The following RORA variants were observed in gnomAD, a reference collection of about 807,000 sequenced individuals.
The protein encoded by RORA is RAR related orphan receptor A.
In RORA, 7 loss-of-function variants were observed where a neutral mutation model predicts 69.5. That is an observed-to-expected ratio of 0.10 (90% CI 0.06 to 0.19). The LOEUF is 0.19. Ranked by LOEUF, RORA falls within the 10% of genes least tolerant of loss-of-function variation. The pLI, the probability that RORA is intolerant of heterozygous loss-of-function variation, is 1.00. For synonymous variants in RORA, 261 were observed against 240.8 expected (o/e 1.08, Z -0.78); for missense variants, 457 against 663.0 (o/e 0.69, Z 3.41).
intron 1 of RORA, among the ~76,000 whole-genome samples, chr15:60,700,318 G>C (rs1247908324): frequency 3.9e-5 from 6 of 152,174 alleles, no homozygotes; most frequent in African/African-American, 1.4e-4. Context: ...ATTCCTTAAA[G>C]AGAAGGACAG....
At chr15:60,933,567 C>T (rs1314844600) in intron 1 of RORA, among the ~76,000 whole-genome samples, 5 of 152,206 alleles carry the variant, frequency 3.3e-5, no homozygotes, top group African/African-American at 1.2e-4. Context: ...TATTCTGAAT[C>T]GCAGGCATTT....
At chr15:60,635,457 A>T (rs1211927971) in intron 2 of RORA, among the ~76,000 whole-genome samples, 1 of 152,220 alleles carries the variant, frequency 6.6e-6, no homozygotes, top group East Asian at 1.9e-4. Flanking sequence ...AATAGCCACA[A>T]TTAATTATGT....
chr15:60,856,700 C>T (rs567156457), intron 1 of RORA, among the ~76,000 whole-genome samples: 18 of 152,108 alleles, frequency 1.2e-4, no homozygotes, highest in Non-Finnish European at 2.5e-4. Context: ...ATGTTTAATT[C>T]AAATAGAGCA....
intron 1 of RORA, among the ~76,000 whole-genome samples, chr15:60,934,363 A>G (rs1340599207): frequency 6.6e-6 from 1 of 152,212 alleles, no homozygotes; most frequent in Non-Finnish European, 1.5e-5. Context: ...CAAGGGTCAG[A>G]GTCCTCTGGA....
chr15:60,626,114 T>C (rs1480082018), intron 2 of RORA, among the ~76,000 whole-genome samples: 2 of 152,168 alleles, frequency 1.3e-5, no homozygotes, highest in Admixed American at 1.3e-4. Flanking sequence ...CTCACGACTA[T>C]TTCCCTGCCT....
chr15:60,815,507 T>G lies in RORA; in HGVS notation c.167-136821A>C, dbSNP rs1340599697. ...ACTGAACTTGAACAAAGTGGCTTGT[T>G]TTCACAGCCGAGGACTTGGCAACTC... On this transcript the variant is annotated intron_variant, in intron 1 of 10. Coordinates refer to ENST00000335670, the MANE Select transcript of RORA (RefSeq NM_134261.3). 2.6e-5 allele frequency among the ~76,000 whole-genome samples: 4 copies of G among 152,066 alleles called. No individual in the cohort carries two copies. The East Asian group carries it at 7.7e-4, about 29-fold the overall frequency.
intron 1 of RORA, among the ~76,000 whole-genome samples, chr15:61,184,717 G>C (rs1415625086): frequency 1.3e-5 from 2 of 152,094 alleles, no homozygotes; most frequent in African/African-American, 2.4e-5. Context: ...GGGAGTGATG[G>C]CTCAAACCTG....
At chr15:60,881,405 A>C (rs1189355854) in intron 1 of RORA, among the ~76,000 whole-genome samples, 1 of 152,254 alleles carries the variant, frequency 6.6e-6, no homozygotes. Flanking sequence ...AGGGAGATTC[A>C]ATATATTCAA....
At chr15:60,853,133 C>T (rs1001234489) in intron 1 of RORA, among the ~76,000 whole-genome samples, 15 of 152,120 alleles carry the variant, frequency 9.9e-5, no homozygotes, top group African/African-American at 1.7e-4. Flanking sequence ...CAGATCCACA[C>T]GGTACACGCT....
chr15:60,519,824 A>G (rs2066099824), intron 3 of RORA: 2 of 143,528 alleles, frequency 1.4e-5, no homozygotes, highest in East Asian at 4.0e-4. Context: ...ACTCTAGCTC[A>G]TTTAAACAAA....
At chr15:60,929,769 A>C (rs1892322136) in intron 1 of RORA, among the ~76,000 whole-genome samples, 1 of 152,148 alleles carries the variant, frequency 6.6e-6, no homozygotes, top group African/African-American at 2.4e-5. Flanking sequence ...GTGAGTTTGC[A>C]TAATAGCCAT....
rs184543163 is a variant in RORA, at chr15:60,791,129, C to T, written c.167-112443G>A. On this transcript the variant is annotated intron_variant, in intron 1 of 10. Coordinates refer to ENST00000335670, the MANE Select transcript of RORA (RefSeq NM_134261.3). ...AACGTACATAAAACTGATTGTAGAA[C>T]GAGCCCAGGCTGATGTCATGGGCTC... 3.9e-5 allele frequency among the ~76,000 whole-genome samples: 6 copies of T among 152,186 alleles called. No homozygotes were observed. The East Asian group carries it at 7.7e-4, about 20-fold the overall frequency.
At chr15:60,949,427 C>G (rs964552797) in intron 1 of RORA, among the ~76,000 whole-genome samples, 1 of 152,162 alleles carries the variant, frequency 6.6e-6, no homozygotes, top group African/African-American at 2.4e-5. Flanking sequence ...AAATCGTGTT[C>G]CCTCCCCACT....
chr15:60,615,027 G>A, intron 2 of RORA: 2 of 1,611,882 alleles, frequency 1.2e-6, no homozygotes, highest in South Asian at 1.1e-5. Flanking sequence ...AGGTTGAAGA[G>A]CTGTCAGGGA....
At chr15:61,053,617 A>T (rs1428136849) in intron 1 of RORA, among the ~76,000 whole-genome samples, 1 of 151,882 alleles carries the variant, frequency 6.6e-6, no homozygotes, top group Non-Finnish European at 1.5e-5. Context: ...GGAAGAGCAA[A>T]GACCAGGAGA....
intron 1 of RORA, among the ~76,000 whole-genome samples, chr15:61,104,159 C>T (rs565602448): frequency 1.1e-3 from 173 of 152,354 alleles, no homozygotes; most frequent in African/African-American, 3.9e-3. Context: ...GCAAAACCAG[C>T]ATTCCTCTCA....
intron 1 of RORA, among the ~76,000 whole-genome samples, chr15:60,694,212 G>T (rs765429040): frequency 8.1e-4 from 123 of 152,246 alleles, no homozygotes; most frequent in Non-Finnish European, 1.6e-4. Flanking sequence ...AAGGTCAAAT[G>T]GTCCCTGTAA....
At chr15:61,223,753 G>A (rs1248037012) in intron 1 of RORA, among the ~76,000 whole-genome samples, 1 of 152,076 alleles carries the variant, frequency 6.6e-6, no homozygotes, top group Non-Finnish European at 1.5e-5. Flanking sequence ...TATTCAACAA[G>A]TAAAGGACAA....
intron 1 of RORA, among the ~76,000 whole-genome samples, chr15:61,175,896 T>C (rs1391176454): frequency 6.6e-6 from 1 of 152,166 alleles, no homozygotes; most frequent in Admixed American, 6.5e-5. Context: ...TCACAAGTTA[T>C]TGTAGCAGTG....
Sources: allele counts gnomAD v4.1 joint callset (sites outside exome capture counted in the v4.1 genomes callset), GRCh38; gene constraint gnomAD v4.1.1; transcripts MANE v1.5; gene names NCBI Gene and HGNC (gene_info 2026-07-23, HGNC 2026-07-21).